Variants in EVA1C observed in about 807,000 individuals in gnomAD.
EVA1C encodes the protein eva-1 homolog C.
Under a neutral mutation model 45.4 loss-of-function variants are expected in EVA1C, and 25 were observed. That is an observed-to-expected ratio of 0.55 (90% CI 0.40 to 0.77). The LOEUF (loss-of-function observed/expected upper bound fraction) is 0.77. EVA1C is among the 30% of genes least tolerant of loss of function. EVA1C has a pLI of 0.00. For synonymous variants in EVA1C, 190 were observed against 221.2 expected (o/e 0.86, Z 1.25); for missense variants, 479 against 554.8 (o/e 0.86, Z 1.37).
intron 4 of EVA1C, among the ~76,000 whole-genome samples, chr21:32,479,921 G>C (rs999566434): frequency 6.6e-6 from 1 of 151,408 alleles, no homozygotes; most frequent in African/African-American, 2.4e-5. Flanking sequence ...AGAAAATATA[G>C]GTTTCCCAGG....
chr21:32,487,930 A>T (rs1371207543), intron 4 of EVA1C, among the ~76,000 whole-genome samples: 1 of 152,128 alleles, frequency 6.6e-6, no homozygotes, highest in Non-Finnish European at 1.5e-5. Context: ...CCCCTGATTT[A>T]TAGGTGGTCA....
intron 6 of EVA1C, among the ~76,000 whole-genome samples, chr21:32,502,040 CTTTCT>C (rs1555875245): frequency 9.8e-6 from 1 of 101,558 alleles, no homozygotes; most frequent in Non-Finnish European, 2.0e-5. Context: ...TTCTTTCTTT[CTTTCT>C]TTCTTTCTTC....
intron 1 of EVA1C, among the ~76,000 whole-genome samples, chr21:32,420,347 G>A (rs952242243): frequency 6.6e-6 from 1 of 152,120 alleles, no homozygotes; most frequent in African/African-American, 2.4e-5. Context: ...TCCAGCCTGG[G>A]CAATAGAGCG....
chr21:32,464,948 C>A (rs991598470), intron 3 of EVA1C, among the ~76,000 whole-genome samples: 5 of 152,184 alleles, frequency 3.3e-5, no homozygotes, highest in African/African-American at 1.2e-4. Flanking sequence ...ATGTGTACAG[C>A]TCATGCCTTT....
intron 4 of EVA1C, among the ~76,000 whole-genome samples, chr21:32,475,442 T>G (rs964744867): frequency 6.6e-6 from 1 of 150,790 alleles, no homozygotes; most frequent in Non-Finnish European, 1.5e-5. Flanking sequence ...CAAATGTTAC[T>G]CATCAGCTAA....
Position 32,487,493 on chromosome 21 carries a change from G to A in EVA1C, c.635-7534G>A, listed in dbSNP as rs148342439. ...CCTGTATTTTGGGAGGCCAAGGCAG[G>A]TGGATCACCTGAAGTCAGAAGTTCA... On this transcript the variant is annotated intron_variant, in intron 4 of 7. Coordinates refer to ENST00000300255, the MANE Select transcript of EVA1C (RefSeq NM_058187.5). Among the ~76,000 whole-genome samples, 584 of 152,272 alleles carry A rather than the reference G, an allele frequency of 3.8e-3. 2 individuals carry two copies. Among genetic ancestry groups the A allele is most frequent in the Middle Eastern group, 0.02 (6 of 294 alleles).
intron 1 of EVA1C, among the ~76,000 whole-genome samples, chr21:32,417,918 A>G (rs1013291810): frequency 6.6e-5 from 10 of 152,122 alleles, no homozygotes; most frequent in Admixed American, 3.3e-4. Context: ...TCCCCAGGCA[A>G]TTCTAATATG....
chr21:32,499,974 T>C (rs1017039461), intron 5 of EVA1C, among the ~76,000 whole-genome samples: 4 of 152,180 alleles, frequency 2.6e-5, no homozygotes, highest in African/African-American at 9.7e-5. Flanking sequence ...CCTCTCTGCA[T>C]CTTTCTGTAG....
intron 1 of EVA1C, among the ~76,000 whole-genome samples, chr21:32,434,539 C>T (rs1243704409): frequency 9.2e-5 from 14 of 151,664 alleles, no homozygotes; most frequent in Admixed American, 2.0e-4. Flanking sequence ...TGCAGTGAGC[C>T]GAGATAGCGC....
intron 1 of EVA1C, among the ~76,000 whole-genome samples, chr21:32,422,986 G>A (rs943599734): frequency 5.8e-5 from 8 of 138,934 alleles, no homozygotes; most frequent in Admixed American, 3.3e-4. Flanking sequence ...CAGGAGAATC[G>A]CTTGAACATG....
chr21:32,425,131 T>C (rs1428130435), intron 1 of EVA1C, among the ~76,000 whole-genome samples: 1 of 148,790 alleles, frequency 6.7e-6, no homozygotes, highest in Non-Finnish European at 1.5e-5. Context: ...GCAAACATGG[T>C]GAAATCCCAT....
At chr21:32,492,084 A>G (rs746095777) in intron 4 of EVA1C, among the ~76,000 whole-genome samples, 25 of 152,150 alleles carry the variant, frequency 1.6e-4, no homozygotes, top group Non-Finnish European at 2.9e-4. Context: ...AAAATATATC[A>G]GAATTTCCAC....
At chr21:32,420,190 G>T (rs2034211567) in intron 1 of EVA1C, among the ~76,000 whole-genome samples, 1 of 94 alleles carries the variant, frequency 0.011, no homozygotes, top group African/African-American at 0.031. Context: ...GGCCCATAGG[G>T]TGAAACCTGT....
chr21:32,438,495 A>AC, intron 1 of EVA1C, among the ~76,000 whole-genome samples: 4 of 150,558 alleles, frequency 2.7e-5, no homozygotes, highest in African/African-American at 9.8e-5. Context: ...TCAAAAAAAA[A>AC]AAAAAAAAAA....
intron 1 of EVA1C, among the ~76,000 whole-genome samples, chr21:32,432,763 C>T (rs1412176937): frequency 2.0e-5 from 3 of 152,186 alleles, no homozygotes; most frequent in Admixed American, 6.5e-5. Flanking sequence ...CTCTGTTGCC[C>T]AGGCTGGAGT....
At chr21:32,460,932 G>C (rs1279840431) in intron 3 of EVA1C, among the ~76,000 whole-genome samples, 1 of 152,154 alleles carries the variant, frequency 6.6e-6, no homozygotes, top group Non-Finnish European at 1.5e-5. Context: ...TTTTAGTAGA[G>C]ACAGGGTTTC....
chr21:32,412,906 A>G lies in EVA1C; in HGVS notation c.53A>G (p.His18Arg), dbSNP rs1241324690. The G allele has an allele frequency of 2.0e-6, 3 of 1,519,220 alleles. No homozygotes were observed. The highest frequency in any genetic ancestry group is 1.8e-6 in the Non-Finnish European group (2 of 1,136,402). The allele number at this position is 1,519,220 out of a possible 1,614,324, so 94.1% of individuals were successfully genotyped here. A position where few individuals can be genotyped will look rare whatever the true frequency, so the allele number is the denominator to read the frequency against. The part of the protein sequence containing the change: ...RQPPTPQPVQ[H>R]PGLRRQVEPP... Reference sequence around the variant, plus strand: ...CCGCCGACGCCCCAGCCCGTGCAGCATCCCGGCCTCCGCCGGCAGGTAGAG... The same window carrying G: ...CCGCCGACGCCCCAGCCCGTGCAGCGTCCCGGCCTCCGCCGGCAGGTAGAG... Residue 18 changes from histidine to arginine, a missense_variant, in exon 1 of 8, where the codon CAT becomes CGT. Coordinates refer to ENST00000300255, the MANE Select transcript of EVA1C (RefSeq NM_058187.5).
chr21:32,425,071 G>A (rs1369941138), intron 1 of EVA1C, among the ~76,000 whole-genome samples: 1 of 152,062 alleles, frequency 6.6e-6, no homozygotes, highest in East Asian at 1.9e-4. Flanking sequence ...AGCACTGTGG[G>A]AGGCTGAGGT....
At chr21:32,463,620 G>A (rs372065648) in intron 3 of EVA1C, among the ~76,000 whole-genome samples, 5 of 152,266 alleles carry the variant, frequency 3.3e-5, no homozygotes, top group South Asian at 4.1e-4. Context: ...GCATGTGGGT[G>A]TTGCGTTACT....
Sources: gnomAD v4.1 joint callset for allele counts (sites outside exome capture counted in the v4.1 genomes callset) on GRCh38, gnomAD v4.1.1 for gene constraint, MANE v1.5 for transcripts, NCBI Gene and HGNC (gene_info 2026-07-23, HGNC 2026-07-21) for gene names.